TJP1: variants seen among roughly 807,000 people sequenced by gnomAD.
TJP1 encodes tight junction protein 1, also known as tight junction protein ZO-1.
In TJP1, 43 loss-of-function variants were observed where a neutral mutation model predicts 194.2. The ratio of observed to expected loss-of-function variants is 0.22; its 90% CI spans 0.17 to 0.29. The LOEUF is 0.29. Ranked by LOEUF, TJP1 falls within the 10% of genes least tolerant of loss-of-function variation. TJP1 has a pLI of 1.00. For synonymous variants in TJP1, 801 were observed against 779.0 expected, an observed-to-expected ratio of 1.03 and a Z score of -0.47; for missense variants, 1,971 against 2,185.7, an observed-to-expected ratio of 0.90 and a Z score of 1.96.
intron 27 of TJP1, among the ~76,000 whole-genome samples, chr15:29,703,355 T>C (rs1163243168): frequency 6.6e-6 from 1 of 151,962 alleles, no homozygotes; most frequent in African/African-American, 2.4e-5. Context: ...GGAGAATCGC[T>C]TGAAGCTGGG....
chr15:29,790,128 C>T (rs2047976185), intron 2 of TJP1, among the ~76,000 whole-genome samples: 1 of 152,180 alleles, frequency 6.6e-6, no homozygotes, highest in African/African-American at 2.4e-5. Flanking sequence ...TACAATACGG[C>T]TGCAGGGTTG....
intron 2 of TJP1, among the ~76,000 whole-genome samples, chr15:29,856,756 G>A (rs1019090901): frequency 7.2e-5 from 11 of 151,822 alleles, no homozygotes; most frequent in African/African-American, 2.4e-4. Context: ...GGCAGATCAC[G>A]AGGTCAGGAG....
At chr15:29,897,204 G>T (rs1246319984) in intron 2 of TJP1, among the ~76,000 whole-genome samples, 2 of 152,164 alleles carry the variant, frequency 1.3e-5, no homozygotes, top group African/African-American at 4.8e-5. Flanking sequence ...GCATTCTAGG[G>T]ACTTAGTGCC....
chr15:29,808,654 G>A (rs1375355339), intron 1 of TJP1, among the ~76,000 whole-genome samples: 1 of 152,146 alleles, frequency 6.6e-6, no homozygotes, highest in African/African-American at 2.4e-5. Context: ...TACGTATAGG[G>A]AAAGAATAAG....
At chr15:29,720,259 C>G in intron 19 of TJP1, 99 bp downstream of exon 19, 1 of 1,191,932 alleles carries the variant, frequency 8.4e-7, no homozygotes, top group South Asian at 1.6e-5. Flanking sequence ...AATTCTTAAT[C>G]TGGAGAAAGG....
chr15:29,813,827 C>T (rs1404121413), intron 1 of TJP1, among the ~76,000 whole-genome samples: 1 of 152,204 alleles, frequency 6.6e-6, no homozygotes, highest in African/African-American at 2.4e-5. Context: ...GTGTTCACTG[C>T]TGCATCTCCA....
chr15:29,705,380 G>C (rs759015952), intron 26 of TJP1, 148 bp downstream of exon 26: 3 of 774,224 alleles, frequency 3.9e-6, no homozygotes, highest in Non-Finnish European at 6.1e-6. Flanking sequence ...CTGCTTGCTT[G>C]CAACACCGTC....
chr15:29,716,857 CA>C lies in TJP1; in HGVS notation c.3975-20del. On this transcript the variant is annotated intron_variant, in intron 22 of 27. Transcript: ENST00000614355. Reference sequence around the variant, plus strand: ...TGGGATCCTAACAGATAATGAATGACAAACGGAACACCTTTTTAAATATTAA... The same window carrying C: ...TGGGATCCTAACAGATAATGAATGACAACGGAACACCTTTTTAAATATTAA... 6.4e-7 allele frequency: 1 copy of C among 1,559,260 alleles called. No homozygotes were observed. The highest frequency in any genetic ancestry group is 8.8e-7 in the Non-Finnish European group (1 of 1,137,950).
chr15:29,960,114 C>T (rs1350746465), intron 1 of TJP1, among the ~76,000 whole-genome samples: 3 of 152,056 alleles, frequency 2.0e-5, no homozygotes, highest in Admixed American at 6.5e-5. Context: ...TAGTGTTCTT[C>T]GTAAGTTTTT....
At chr15:29,805,435 A>G (rs1269766281) in intron 1 of TJP1, among the ~76,000 whole-genome samples, 1 of 152,230 alleles carries the variant, frequency 6.6e-6, no homozygotes, top group Non-Finnish European at 1.5e-5. Context: ...GATATAAAGT[A>G]TACTCCAAAT....
At chr15:29,703,103 G>A (rs1345303059) in intron 27 of TJP1, among the ~76,000 whole-genome samples, 1 of 152,166 alleles carries the variant, frequency 6.6e-6, no homozygotes, top group Non-Finnish European at 1.5e-5. Context: ...GGCCAAGTAT[G>A]ATCACAACGG....
chr15:29,740,205 G>C (rs1390409762), intron 10 of TJP1, among the ~76,000 whole-genome samples: 2 of 151,908 alleles, frequency 1.3e-5, no homozygotes, highest in Admixed American at 1.3e-4. Flanking sequence ...TTGATCTCCT[G>C]ACCTCGTGAT....
chr15:29,749,989 C>T (rs959171258), intron 8 of TJP1, among the ~76,000 whole-genome samples: 12 of 151,560 alleles, frequency 7.9e-5, no homozygotes, highest in African/African-American at 2.9e-4. Flanking sequence ...ATTACAGGAG[C>T]ATGCCACTGT....
chr15:29,768,661 C>T (rs1208547828), intron 4 of TJP1, among the ~76,000 whole-genome samples: 1 of 152,128 alleles, frequency 6.6e-6, no homozygotes, highest in Non-Finnish European at 1.5e-5. Context: ...ATGCATTTAA[C>T]TGTACATATA....
intron 18 of TJP1, 151 bp from the exon 19 acceptor site, chr15:29,720,859 G>C (rs987524202): frequency 1.1e-5 from 7 of 648,550 alleles, no homozygotes; most frequent in Non-Finnish European, 1.6e-5. Context: ...CAAGAAGATT[G>C]TACAAGCACA....
chr15:29,757,443 A>G (rs2045715818), intron 8 of TJP1, among the ~76,000 whole-genome samples: 1 of 152,212 alleles, frequency 6.6e-6, no homozygotes, highest in Non-Finnish European at 1.5e-5. Context: ...AAAAAAAACA[A>G]AAGACTATAT....
Position 29,719,977 on chromosome 15 carries a change from C to T in TJP1, c.2803G>A (p.Glu935Lys). ...GAGGTTGATGATGCTGGGTTTGTTT[C>T]AGGCGAAAGGTAAGGGACTGGAGAT... ...ASSPVPYLSPETNPASSTSAV... is the reference protein window; with the variant it reads ...ASSPVPYLSPKTNPASSTSAV... The change falls in exon 20 of 28, where the codon GAA becomes AAA. Residue 935 changes from glutamate to lysine, a missense_variant. Transcript: ENST00000614355. 1 of 1,614,080 alleles carries T rather than the reference C, an allele frequency of 6.2e-7. No individual in the cohort carries two copies. Among genetic ancestry groups the T allele is most frequent in the Non-Finnish European group, 8.5e-7 (1 of 1,180,014 alleles).
chr15:29,756,845 T>C (rs1209779196), intron 8 of TJP1, among the ~76,000 whole-genome samples: 2 of 152,196 alleles, frequency 1.3e-5, no homozygotes, highest in African/African-American at 2.4e-5. Flanking sequence ...CTGGACTTTA[T>C]TGCAACCTCT....
chr15:29,717,471 GC>G (rs1233230650), intron 22 of TJP1, among the ~76,000 whole-genome samples: 2 of 152,196 alleles, frequency 1.3e-5, no homozygotes, highest in Non-Finnish European at 2.9e-5. Flanking sequence ...ATGGGAAAAA[GC>G]TCAGGCTGAG....
Sources: gnomAD v4.1 joint callset for allele counts (sites outside exome capture counted in the v4.1 genomes callset) on GRCh38, gnomAD v4.1.1 for gene constraint, MANE v1.5 for transcripts, NCBI Gene and HGNC (gene_info 2026-07-23, HGNC 2026-07-21) for gene names.